The following DERA variants were observed in gnomAD, a reference collection of about 807,000 sequenced individuals.
DERA encodes deoxyribose-phosphate aldolase, also known as 2-deoxy-D-ribose 5-phosphate aldolase.
In DERA, 15 loss-of-function variants were observed where a neutral mutation model predicts 41.1. That is an observed-to-expected ratio of 0.37 (90% CI 0.24 to 0.56). The LOEUF (loss-of-function observed/expected upper bound fraction) is 0.56. Ranked by LOEUF, DERA falls within the 20% of genes least tolerant of loss-of-function variation. The pLI, the probability that DERA is intolerant of heterozygous loss-of-function variation, is 0.81. For synonymous variants in DERA, 139 were observed against 137.4 expected, an observed-to-expected ratio of 1.01 and a Z score of -0.08; for missense variants, 396 against 403.4, an observed-to-expected ratio of 0.98 and a Z score of 0.16.
Position 16,004,329 on chromosome 12 carries a change from A to G in DERA, c.637+21893A>G, listed in dbSNP as rs1948895519. Among the ~76,000 whole-genome samples, 1 of 151,978 alleles carries G rather than the reference A, an allele frequency of 6.6e-6. No homozygotes were observed. Among genetic ancestry groups the G allele is most frequent in the Non-Finnish European group, 1.5e-5 (1 of 68,018 alleles). ...ATATAATTCCCCCAGACCCTACATA[A>G]AGCAAAAGGAACCACTGCAGAAAAG... On this transcript the variant is annotated intron_variant, in intron 6 of 8. Transcript: ENST00000428559. This position sits in a 1 kb window ranked among gnomAD's most constrained non-coding sequence, Gnocchi z 4.2.
At chr12:15,962,667 G>T (rs1332640063) in intron 4 of DERA, 146 bp from the exon 5 acceptor site, 23 of 603,486 alleles carry the variant, frequency 3.8e-5, no homozygotes, top group Non-Finnish European at 6.3e-5. Flanking sequence ...TCAGTGCATT[G>T]GTCTTTAAAT....
At position 15,922,720 on chromosome 12, in the gene DERA, GAT is replaced by G. The variant is rs57790311; in HGVS notation, c.31+11308_31+11309del. Among the ~76,000 whole-genome samples, 3,764 of 152,268 alleles carry G rather than the reference GAT, an allele frequency of 0.025. 171 individuals carry two copies. The highest frequency in any genetic ancestry group is 0.086 in the African/African-American group (3,585 of 41,524). Reference sequence around the variant, plus strand: ...AATGCACTGTGGTTTATCTGGGAAGGATACAGGATTGGGACCCAGGCACTTTA... The same window carrying G: ...AATGCACTGTGGTTTATCTGGGAAGGACAGGATTGGGACCCAGGCACTTTA... On this transcript the variant is annotated intron_variant, in intron 1 of 8. Coordinates refer to ENST00000428559, the MANE Select transcript of DERA (RefSeq NM_015954.4). The surrounding 1 kb of genome is among the most constrained non-coding windows in gnomAD (Gnocchi z 4.9).
At position 16,017,605 on chromosome 12, in the gene DERA, T is replaced by C. The variant is rs976934658; in HGVS notation, c.638-14937T>C. Among the ~76,000 whole-genome samples, 5 of 152,212 alleles carry C rather than the reference T, an allele frequency of 3.3e-5. No homozygotes were observed. The highest frequency in any genetic ancestry group is 7.3e-5 in the Non-Finnish European group (5 of 68,036). ...TGCTTCAACCGTAACACTGCATCTTTATTATATTGCCCTAAGTGATTTCCA... is the reference window on the plus strand; with the variant it reads ...TGCTTCAACCGTAACACTGCATCTTCATTATATTGCCCTAAGTGATTTCCA... On this transcript the variant is annotated intron_variant, in intron 6 of 8. Coordinates refer to ENST00000428559, the MANE Select transcript of DERA (RefSeq NM_015954.4). This position sits in a 1 kb window ranked among gnomAD's most constrained non-coding sequence, Gnocchi z 5.5.
rs1362380216 is a variant in DERA at position 15,940,042 on chromosome 12, A to T, written c.32-16894A>T. Among the ~76,000 whole-genome samples the T allele has an allele frequency of 6.6e-6, 1 of 152,204 alleles. No homozygotes were observed. Among genetic ancestry groups the T allele is most frequent in the Non-Finnish European group, 1.5e-5 (1 of 68,032 alleles). On this transcript the variant is annotated intron_variant, in intron 1 of 8. Transcript: ENST00000428559. This position sits in a 1 kb window ranked among gnomAD's most constrained non-coding sequence, Gnocchi z 5.1. ...AGGTTTCCTAATTTAATAAGAACAT[A>T]TTTTTACCATGATACTACAACAAAA...
At chr12:15,958,112 C>G in intron 2 of DERA, 76 bp from the exon 3 acceptor site, 1 of 1,282,406 alleles carries the variant, frequency 7.8e-7, no homozygotes, top group Non-Finnish European at 1.1e-6. Flanking sequence ...TGATTCTCTA[C>G]TAACCACCTG....
At chr12:15,973,507 T>TA (rs1948677902) in intron 5 of DERA, among the ~76,000 whole-genome samples, 1 of 152,204 alleles carries the variant, frequency 6.6e-6, no homozygotes, top group African/African-American at 2.4e-5. Context: ...ACAACAGACA[T>TA]ATATTACATG....
In DERA at chr12:15,954,571, G is replaced by A. The variant is rs1278305482; in HGVS notation, c.32-2365G>A. On this transcript the variant is annotated intron_variant, in intron 1 of 8. Coordinates refer to ENST00000428559, the MANE Select transcript of DERA (RefSeq NM_015954.4). This position sits in a 1 kb window ranked among gnomAD's most constrained non-coding sequence, Gnocchi z 4.0. ...AGCTTGCAGCATGCACAGATCCAGA[G>A]ACAGCCTGGCATAATGTGTCAGGGA... Among the ~76,000 whole-genome samples, 1 of 152,214 alleles carries A rather than the reference G, an allele frequency of 6.6e-6. No individual in the cohort carries two copies. The highest frequency in any genetic ancestry group is 1.5e-5 in the Non-Finnish European group (1 of 68,036).
chr12:15,971,462 A>ATGGGGAG, intron 5 of DERA, among the ~76,000 whole-genome samples: 1 of 148,648 alleles, frequency 6.7e-6, no homozygotes, highest in South Asian at 2.2e-4. Flanking sequence ...TAAGACAGGG[A>ATGGGGAG]TGGGGAGTTT....
Position 15,988,188 on chromosome 12 carries a change from A to G in DERA, c.637+5752A>G, listed in dbSNP as rs1196894468. On this transcript the variant is annotated intron_variant, in intron 6 of 8. Transcript: ENST00000428559. This position sits in a 1 kb window ranked among gnomAD's most constrained non-coding sequence, Gnocchi z 6.0. ...AGTTCTGGGCTCCCAGAAGGGCCGC[A>G]GCTCCTTCTTCCTTCTCGTTACCTG... Among the ~76,000 whole-genome samples the G allele has an allele frequency of 4.6e-5, 7 of 152,166 alleles. No homozygotes were observed. The South Asian group carries it at 6.2e-4, about 14-fold the overall frequency.
At position 16,000,839 on chromosome 12, in the gene DERA, C is replaced by T. The variant is rs573447695; in HGVS notation, c.637+18403C>T. Reference sequence around the variant, plus strand: ...CTGTAATGATACCTATAGTTGCATCCATCAGATGTTGAGTTTTTTTTTACT... The same window carrying T: ...CTGTAATGATACCTATAGTTGCATCTATCAGATGTTGAGTTTTTTTTTACT... On this transcript the variant is annotated intron_variant, in intron 6 of 8. Coordinates refer to ENST00000428559, the MANE Select transcript of DERA (RefSeq NM_015954.4). The surrounding 1 kb of genome is among the most constrained non-coding windows in gnomAD (Gnocchi z 4.8). Among the ~76,000 whole-genome samples, 82 of 150,814 alleles carry T rather than the reference C, an allele frequency of 5.4e-4. No individual in the cohort carries two copies. The South Asian group carries it at 5.9e-3, about 11-fold the overall frequency.
rs2136192113 is a variant in DERA, at chr12:16,036,450, A to C, written c.900+69A>C. 1 of 1,503,220 alleles carries C rather than the reference A, an allele frequency of 6.7e-7. No homozygotes were observed. Among genetic ancestry groups the C allele is most frequent in the East Asian group, 2.3e-5 (1 of 43,094 alleles). 93.1% of individuals were successfully genotyped at this position (1,503,220 alleles called of 1,614,324 possible). On this transcript the variant is annotated intron_variant, in intron 8 of 8. Transcript: ENST00000428559. The surrounding 1 kb of genome is among the most constrained non-coding windows in gnomAD (Gnocchi z 4.9). ...TTTGAGAAAGGAATTGAAAAGTCAA[A>C]TTGAGAACTGGAGATAAAAACTCAT...
chr12:15,978,901 G>A (rs1431789064), intron 5 of DERA, among the ~76,000 whole-genome samples: 2 of 152,166 alleles, frequency 1.3e-5, no homozygotes, highest in African/African-American at 4.8e-5. Flanking sequence ...ATCTATTCGT[G>A]TGTGTTAACC....
At chr12:15,952,446 G>T (rs1455927185) in intron 1 of DERA, among the ~76,000 whole-genome samples, 1 of 151,918 alleles carries the variant, frequency 6.6e-6, no homozygotes. Context: ...CTGGTCACCT[G>T]TATCATAAAG....
At chr12:15,949,080 C>A (rs1948475088) in intron 1 of DERA, among the ~76,000 whole-genome samples, 1 of 152,154 alleles carries the variant, frequency 6.6e-6, no homozygotes, top group Admixed American at 6.5e-5. Context: ...AGAGGGGTAA[C>A]CGGCCGTGTG....
rs577402146 is a variant in DERA at position 15,944,310 on chromosome 12, T to C, written c.32-12626T>C. Reference sequence around the variant, plus strand: ...ATCCTTGAGGAGTCGCCACACTGTCTTCCACAATGGTTGAACTAGTTTACA... The same window carrying C: ...ATCCTTGAGGAGTCGCCACACTGTCCTCCACAATGGTTGAACTAGTTTACA... On this transcript the variant is annotated intron_variant, in intron 1 of 8. Transcript: ENST00000428559. Among the ~76,000 whole-genome samples the C allele has an allele frequency of 2.0e-5, 3 of 152,310 alleles. No individual in the cohort carries two copies. In the South Asian group the frequency reaches 6.2e-4, roughly 32 times the overall value.
In DERA at chr12:15,931,674, TCAGTGTGG is replaced by T. The variant is rs1246826737; in HGVS notation, c.31+20267_31+20274del. On this transcript the variant is annotated intron_variant, in intron 1 of 8. Transcript: ENST00000428559. This position sits in a 1 kb window ranked among gnomAD's most constrained non-coding sequence, Gnocchi z 4.6. ...TAAAGCTGATGTTCAAATTTGATCC[TCAGTGTGG>T]CAGTGTTGGGAGATGGGGCCTAGTG... Among the ~76,000 whole-genome samples, 1 of 152,208 alleles carries T rather than the reference TCAGTGTGG, an allele frequency of 6.6e-6. No individual in the cohort carries two copies. Among genetic ancestry groups the T allele is most frequent in the Non-Finnish European group, 1.5e-5 (1 of 68,034 alleles).
intron 1 of DERA, among the ~76,000 whole-genome samples, chr12:15,950,509 C>T (rs1948489334): frequency 6.6e-6 from 1 of 152,200 alleles, no homozygotes; most frequent in Non-Finnish European, 1.5e-5. Context: ...CCTCCAGTCT[C>T]ATCCTGTGAC....
chr12:15,968,312 T>C (rs1291576285), intron 5 of DERA, among the ~76,000 whole-genome samples: 1 of 152,226 alleles, frequency 6.6e-6, no homozygotes, highest in Non-Finnish European at 1.5e-5. Context: ...CTGTAGTTAG[T>C]TGTAAACAGG....
intron 1 of DERA, among the ~76,000 whole-genome samples, chr12:15,947,255 A>G (rs930796553): frequency 2.0e-5 from 3 of 152,120 alleles, no homozygotes; most frequent in Non-Finnish European, 2.9e-5. Flanking sequence ...CAATTCCTGG[A>G]TATCCTTGTT....
Sources: gnomAD v4.1 joint callset for allele counts (sites outside exome capture counted in the v4.1 genomes callset) on GRCh38, gnomAD v4.1.1 for gene constraint, Gnocchi (gnomAD v3.1) non-coding constraint, MANE v1.5 for transcripts, NCBI Gene and HGNC (gene_info 2026-07-23, HGNC 2026-07-21) for gene names.